RIC1: variants seen among roughly 807,000 people sequenced by gnomAD.
RIC1 encodes RIC1 partner of RAB6A GEF complex.
In RIC1, 88 loss-of-function variants were observed where a neutral mutation model predicts 169.0. The ratio of observed to expected loss-of-function variants is 0.52; its 90% CI spans 0.44 to 0.62. The LOEUF (loss-of-function observed/expected upper bound fraction) is 0.62. Ranked by LOEUF, RIC1 falls within the 20% of genes least tolerant of loss-of-function variation. The pLI, the probability that RIC1 is intolerant of heterozygous loss-of-function variation, is 0.00. For synonymous variants in RIC1, 790 were observed against 601.5 expected, an observed-to-expected ratio of 1.31 and a Z score of -4.59; for missense variants, 1,877 against 1,725.5, an observed-to-expected ratio of 1.09 and a Z score of -1.56.
intron 6 of RIC1, among the ~76,000 whole-genome samples, chr9:5,721,421 T>C (rs1823578956): frequency 6.6e-6 from 1 of 152,166 alleles, no homozygotes. Flanking sequence ...ACTTCACAGA[T>C]TGATTACCAA....
chr9:5,647,471 T>C (rs951846063), intron 1 of RIC1, among the ~76,000 whole-genome samples: 1 of 152,246 alleles, frequency 6.6e-6, no homozygotes, highest in Non-Finnish European at 1.5e-5. Flanking sequence ...TATTTGTGTC[T>C]AATTTCTTTC....
At chr9:5,701,882 T>C (rs755502097) in intron 3 of RIC1, among the ~76,000 whole-genome samples, 44 of 152,306 alleles carry the variant, frequency 2.9e-4, no homozygotes, top group Middle Eastern at 6.8e-3. Flanking sequence ...TAACATTTAA[T>C]ACACTCAAAA....
At chr9:5,654,692 T>A (rs1818985935) in intron 1 of RIC1, among the ~76,000 whole-genome samples, 1 of 152,046 alleles carries the variant, frequency 6.6e-6, no homozygotes, top group Admixed American at 6.6e-5. Context: ...TTTTGTATTT[T>A]TAGTAGAGAT....
intron 19 of RIC1, 50 bp from the exon 20 acceptor site, chr9:5,765,364 T>C (rs1826654031): frequency 1.3e-6 from 2 of 1,562,722 alleles, no homozygotes; most frequent in Non-Finnish European, 1.7e-6. Context: ...GCTCATATCT[T>C]CCCAAATTGT....
At chr9:5,725,819 C>T (rs1260782503) in intron 6 of RIC1, among the ~76,000 whole-genome samples, 1 of 152,034 alleles carries the variant, frequency 6.6e-6, no homozygotes, top group African/African-American at 2.4e-5. Flanking sequence ...GTTATGTACC[C>T]AGTAGTCATT....
At position 5,656,661 on chromosome 9, in the gene RIC1, A is replaced by C; in HGVS notation, c.223A>C (p.Arg75=). Residue 75 remains arginine, a synonymous_variant, in exon 2 of 26, where the codon AGG becomes CGG. Coordinates refer to ENST00000414202, the MANE Select transcript of RIC1 (RefSeq NM_020829.4). ...QFGSYKQAEW[R]PDSTMIAVST... ...TGGATCCTACAAGCAAGCTGAATGG[A>C]GGCCAGATAGTACCATGATAGCTGT... The C allele has an allele frequency of 1.9e-6, 3 of 1,608,354 alleles. No individual in the cohort carries two copies. The highest frequency in any genetic ancestry group is 2.6e-6 in the Non-Finnish European group (3 of 1,175,974).
chr9:5,630,870 A>T (rs1360323234), intron 1 of RIC1, among the ~76,000 whole-genome samples: 1 of 152,226 alleles, frequency 6.6e-6, no homozygotes, highest in African/African-American at 2.4e-5. Context: ...TAATTTGTTT[A>T]GGTGTATATA....
chr9:5,748,633 A>T (rs1055926427), intron 12 of RIC1: 1 of 152,630 alleles, frequency 6.6e-6, no homozygotes, highest in Non-Finnish European at 1.5e-5. Flanking sequence ...TATTCATTCT[A>T]CACTGACCTA....
At chr9:5,700,313 C>T (rs1473660985) in intron 3 of RIC1, among the ~76,000 whole-genome samples, 7 of 152,030 alleles carry the variant, frequency 4.6e-5, no homozygotes, top group Admixed American at 6.6e-5. Flanking sequence ...ATCCCTTTTG[C>T]CTATCCCATA....
chr9:5,647,977 G>GTGA (rs1818611777), intron 1 of RIC1, among the ~76,000 whole-genome samples: 1 of 62,322 alleles, frequency 1.6e-5, no homozygotes, highest in African/African-American at 4.4e-5. Context: ...GGTGGTGATG[G>GTGA]TGGTGGTGGT....
At chr9:5,741,957 G>A (rs1825110316) in intron 8 of RIC1, among the ~76,000 whole-genome samples, 1 of 152,252 alleles carries the variant, frequency 6.6e-6, no homozygotes, top group Middle Eastern at 3.4e-3. Flanking sequence ...GGTCACTTGG[G>A]AGCACTACAT....
chr9:5,703,867 T>A (rs889753670), intron 3 of RIC1, among the ~76,000 whole-genome samples: 1 of 152,218 alleles, frequency 6.6e-6, no homozygotes, highest in Admixed American at 6.5e-5. Context: ...ATGTACAATT[T>A]GTATTTGAAC....
intron 3 of RIC1, among the ~76,000 whole-genome samples, chr9:5,697,278 G>T (rs1010217802): frequency 2.0e-4 from 30 of 152,168 alleles, no homozygotes; most frequent in African/African-American, 7.2e-4. Context: ...CACTCTACAT[G>T]ATGGACAAAA....
chr9:5,639,035 C>T (rs955787212), intron 1 of RIC1, among the ~76,000 whole-genome samples: 2 of 152,162 alleles, frequency 1.3e-5, no homozygotes, highest in African/African-American at 2.4e-5. Flanking sequence ...CCCACCTCAG[C>T]CCCCTAAATA....
At chr9:5,678,074 A>T (rs1049405931) in intron 2 of RIC1, among the ~76,000 whole-genome samples, 11 of 144,190 alleles carry the variant, frequency 7.6e-5, no homozygotes. Context: ...TTCAATTCCC[A>T]CCTATGAGTG....
At chr9:5,695,801 C>G (rs1267072131) in intron 3 of RIC1, among the ~76,000 whole-genome samples, 1 of 151,998 alleles carries the variant, frequency 6.6e-6, no homozygotes, top group East Asian at 1.9e-4. Flanking sequence ...GAACTCCTGA[C>G]CTCAAGTGAT....
At chr9:5,726,699 TC>T (rs1479238581) in intron 6 of RIC1, among the ~76,000 whole-genome samples, 4 of 152,252 alleles carry the variant, frequency 2.6e-5, no homozygotes, top group African/African-American at 9.6e-5. Flanking sequence ...TACCAGTTGT[TC>T]CTTTCCATAT....
In RIC1 at chr9:5,697,164, A is replaced by G. The variant is rs990457738; in HGVS notation, c.332+7126A>G. ...TAGAGCTTTTCTCTGTGTGGCTCCC[A>G]CATCACTGGTGCTCTGCTTCACAAA... On this transcript the variant is annotated intron_variant, in intron 3 of 25. Coordinates refer to ENST00000414202, the MANE Select transcript of RIC1 (RefSeq NM_020829.4). Among the ~76,000 whole-genome samples, 8 of 152,352 alleles carry G rather than the reference A, an allele frequency of 5.3e-5. No individual in the cohort carries two copies. The East Asian group carries it at 5.8e-4, about 11-fold the overall frequency.
At chr9:5,689,625 G>A (rs1401807634) in intron 2 of RIC1, among the ~76,000 whole-genome samples, 2 of 152,068 alleles carry the variant, frequency 1.3e-5, no homozygotes, top group Non-Finnish European at 2.9e-5. Context: ...ATAATAATTT[G>A]CCATATTAGT....
Sources: allele counts gnomAD v4.1 joint callset (sites outside exome capture counted in the v4.1 genomes callset), GRCh38; gene constraint gnomAD v4.1.1; transcripts MANE v1.5; gene names NCBI Gene and HGNC (gene_info 2026-07-23, HGNC 2026-07-21).